Variants in TENM4 observed in about 807,000 individuals in gnomAD.
TENM4 encodes the protein teneurin transmembrane protein 4, also known as teneurin-4.
A neutral mutation model predicts 243.3 loss-of-function variants in TENM4; 82 were observed. The observed-to-expected ratio is 0.34, with a 90% CI of 0.28 to 0.40. TENM4 has a LOEUF of 0.40. TENM4 is among the 10% of genes least tolerant of loss of function. The pLI, the probability that TENM4 is intolerant of heterozygous loss-of-function variation, is 1.00. For synonymous variants in TENM4, 1,412 were observed against 1,456.3 expected (o/e 0.97, Z 0.69); for missense variants, 3,138 against 3,673.3 (o/e 0.85, Z 3.77).
chr11:79,279,415 C>CT (rs1856117174), intron 2 of TENM4, among the ~76,000 whole-genome samples: 1 of 152,170 alleles, frequency 6.6e-6, no homozygotes, highest in Non-Finnish European at 1.5e-5. Context: ...AGTCTGACTT[C>CT]TTTACTGTTG....
chr11:79,139,024 A>G (rs1461792095), intron 4 of TENM4, among the ~76,000 whole-genome samples: 1 of 42,992 alleles, frequency 2.3e-5, no homozygotes, highest in African/African-American at 7.2e-5. Flanking sequence ...TTCTATAAAT[A>G]TATATTATAT....
At chr11:79,286,902 A>C (rs1270287604) in intron 2 of TENM4, among the ~76,000 whole-genome samples, 1 of 152,230 alleles carries the variant, frequency 6.6e-6, no homozygotes, top group Admixed American at 6.5e-5. Context: ...CAAACACATA[A>C]ATAAATTTTA....
intron 18 of TENM4, among the ~76,000 whole-genome samples, chr11:78,758,570 G>C (rs1320394945): frequency 6.6e-6 from 1 of 152,186 alleles, no homozygotes; most frequent in East Asian, 1.9e-4. Flanking sequence ...TTTTCTCCAT[G>C]GAGTTTACAA....
Position 78,856,134 on chromosome 11 carries a change from C to T in TENM4, c.1300G>A (p.Gly434Arg). 1 of 1,551,624 alleles carries T rather than the reference C, an allele frequency of 6.4e-7. No individual in the cohort carries two copies. The highest frequency in any genetic ancestry group is 2.4e-5 in the East Asian group (1 of 40,914). ...GCTCGCCTTCCCACATCAATTTCTCCAGAATCTATGAAACTGTCCTCTGGA... is the reference window on the plus strand; with the variant it reads ...GCTCGCCTTCCCACATCAATTTCTCTAGAATCTATGAAACTGTCCTCTGGA... ...FFPEDSFIDS[G>R]EIDVGRRASQ... The change falls in exon 11 of 34, where the codon GGA becomes AGA. Residue 434 changes from glycine (G) to arginine (R), a missense_variant. Physicochemically the swap from Gly to Arg is moderately radical, Grantham distance 125. This residue lies in a region of TENM4 where 671 missense variants were observed against 614.1 expected (regional missense o/e 1.09). Transcript: ENST00000278550.
At chr11:79,408,227 C>A (rs1189909782) in intron 1 of TENM4, among the ~76,000 whole-genome samples, 2 of 152,312 alleles carry the variant, frequency 1.3e-5, no homozygotes, top group East Asian at 3.9e-4. Flanking sequence ...AGCCATCTTT[C>A]CTTTTCTTTT....
intron 1 of TENM4, among the ~76,000 whole-genome samples, chr11:79,335,159 T>C (rs1424969434): frequency 6.6e-6 from 1 of 152,202 alleles, no homozygotes; most frequent in Non-Finnish European, 1.5e-5. Flanking sequence ...TTGGGCCTGA[T>C]TGTTTTCTAG....
intron 2 of TENM4, among the ~76,000 whole-genome samples, chr11:79,226,884 C>T (rs1418983620): frequency 1.3e-5 from 2 of 152,274 alleles, no homozygotes; most frequent in East Asian, 3.9e-4. Flanking sequence ...GCCAACTCAG[C>T]TTTGAACAAA....
chr11:79,212,940 T>C (rs1316596226), intron 3 of TENM4, among the ~76,000 whole-genome samples: 1 of 152,154 alleles, frequency 6.6e-6, no homozygotes, highest in Non-Finnish European at 1.5e-5. Context: ...CAATGCCAGA[T>C]GCTGTTCTGG....
intron 2 of TENM4, among the ~76,000 whole-genome samples, chr11:79,224,951 A>G (rs1275093536): frequency 6.7e-6 from 1 of 148,224 alleles, no homozygotes; most frequent in African/African-American, 2.5e-5. Context: ...GACTCTGTCT[A>G]AAAAAAAAAG....
chr11:78,993,713 G>C (rs1226807334), intron 6 of TENM4, among the ~76,000 whole-genome samples: 3 of 152,004 alleles, frequency 2.0e-5, no homozygotes, highest in African/African-American at 7.3e-5. Context: ...ATTTCAATTT[G>C]GTTCCATTTC....
intron 6 of TENM4, among the ~76,000 whole-genome samples, chr11:78,913,219 C>A (rs1049751456): frequency 6.6e-6 from 1 of 152,186 alleles, no homozygotes; most frequent in African/African-American, 2.4e-5. Flanking sequence ...CCTTCCTTCC[C>A]TTCCTGCTTC....
intron 4 of TENM4, among the ~76,000 whole-genome samples, chr11:79,084,613 A>C (rs1288722984): frequency 2.6e-5 from 4 of 151,828 alleles, no homozygotes; most frequent in Non-Finnish European, 5.9e-5. Flanking sequence ...CAAAGCTTTC[A>C]TCCTACATTA....
In TENM4 at chr11:78,788,904, T is replaced by TA. The variant is rs1458628253; in HGVS notation, c.2180-1822dup. Among the ~76,000 whole-genome samples the TA allele has an allele frequency of 2.0e-5, 3 of 152,166 alleles. No individual in the cohort carries two copies. The East Asian group carries it at 5.8e-4, about 29-fold the overall frequency. Reference sequence around the variant, plus strand: ...TTCTATGACAGAGCACCCTCCCTGTTAGACAGTGTAATCTACCCCCAAGAC... The same window carrying TA: ...TTCTATGACAGAGCACCCTCCCTGTTAAGACAGTGTAATCTACCCCCAAGAC... On this transcript the variant is annotated intron_variant, in intron 15 of 33. Transcript: ENST00000278550.
chr11:79,229,831 C>CT (rs139040634), intron 2 of TENM4, among the ~76,000 whole-genome samples: 4,899 of 148,264 alleles, frequency 0.033, 117 homozygotes, highest in Non-Finnish European at 0.042. Flanking sequence ...ATTTCCTACA[C>CT]TTTTTTTTTT....
chr11:79,162,953 T>C (rs866253264), intron 3 of TENM4, among the ~76,000 whole-genome samples: 86 of 152,334 alleles, frequency 5.6e-4, no homozygotes, highest in Non-Finnish European at 1.2e-3. Flanking sequence ...CTGAGGGAGC[T>C]ATTTCTGCAG....
chr11:78,741,194 T>A (rs1855921991), intron 19 of TENM4, among the ~76,000 whole-genome samples: 1 of 152,196 alleles, frequency 6.6e-6, no homozygotes, highest in Admixed American at 6.5e-5. Context: ...CATGCATTTG[T>A]CCTGGGAGGT....
intron 1 of TENM4, among the ~76,000 whole-genome samples, chr11:79,334,985 C>G (rs1005065676): frequency 6.6e-6 from 1 of 152,200 alleles, no homozygotes; most frequent in Admixed American, 6.5e-5. Context: ...TCGCCACCTT[C>G]AAAACTTATA....
chr11:78,800,737 GA>G (rs1213299711), intron 15 of TENM4, among the ~76,000 whole-genome samples: 777 of 15,194 alleles, frequency 0.051, 2 homozygotes, highest in African/African-American at 0.1. Context: ...GTTCACAGGG[GA>G]GAGAGAGAGA....
intron 2 of TENM4, among the ~76,000 whole-genome samples, chr11:79,265,504 A>C (rs1281715644): frequency 6.6e-6 from 1 of 151,644 alleles, no homozygotes; most frequent in African/African-American, 2.4e-5. Context: ...GATATTTTGA[A>C]TAGATTGTGT....
Sources: allele counts gnomAD v4.1 joint callset (sites outside exome capture counted in the v4.1 genomes callset), GRCh38; gene constraint gnomAD v4.1.1; regional missense constraint gnomAD v4.1.1; transcripts MANE v1.5; gene names NCBI Gene and HGNC (gene_info 2026-07-23, HGNC 2026-07-21).